TMEM181: variants seen among roughly 807,000 people sequenced by gnomAD.
The protein encoded by TMEM181 is G protein-coupled receptor 178.
In TMEM181, 39 loss-of-function variants were observed where a neutral mutation model predicts 71.9. The ratio of observed to expected loss-of-function variants is 0.54; its 90% CI spans 0.42 to 0.71. The LOEUF is 0.71. Ranked by LOEUF, TMEM181 falls within the 30% of genes least tolerant of loss-of-function variation. TMEM181 has a pLI of 0.00. For missense variants in TMEM181, 595 were observed against 583.0 expected (o/e 1.02, Z -0.21); for synonymous variants, 245 against 228.8 (o/e 1.07, Z -0.64).
chr6:158,570,477 G>A (rs1182093767), intron 1 of TMEM181, among the ~76,000 whole-genome samples: 3 of 151,442 alleles, frequency 2.0e-5, no homozygotes, highest in Non-Finnish European at 4.4e-5. Flanking sequence ...TCCTGACCTC[G>A]TGATCCGCCC....
chr6:158,629,211 C>T (rs780110924), intron 14 of TMEM181, among the ~76,000 whole-genome samples: 5 of 152,128 alleles, frequency 3.3e-5, no homozygotes, highest in Admixed American at 1.3e-4. Context: ...TCTTATGTCC[C>T]AGTTAATGCA....
At chr6:158,583,454 G>A (rs1469238547) in intron 3 of TMEM181, among the ~76,000 whole-genome samples, 1 of 152,048 alleles carries the variant, frequency 6.6e-6, no homozygotes, top group African/African-American at 2.4e-5. Flanking sequence ...AATTGCTGCT[G>A]GAAGTTAGTC....
chr6:158,598,936 C>T (rs1445158238), intron 6 of TMEM181, among the ~76,000 whole-genome samples: 1 of 152,190 alleles, frequency 6.6e-6, no homozygotes, highest in Non-Finnish European at 1.5e-5. Context: ...GCTGGGATTA[C>T]AGGCGTGAGC....
At chr6:158,576,775 C>T (rs528549284) in intron 2 of TMEM181, among the ~76,000 whole-genome samples, 17 of 152,204 alleles carry the variant, frequency 1.1e-4, no homozygotes, top group South Asian at 4.1e-4. Context: ...CAAAAGGTCA[C>T]AAGGCGGCCG....
At chr6:158,565,533 C>A (rs542474203) in intron 1 of TMEM181, among the ~76,000 whole-genome samples, 1 of 152,164 alleles carries the variant, frequency 6.6e-6, no homozygotes, top group African/African-American at 2.4e-5. Context: ...GAAGAGACAA[C>A]GCTGGGGGGA....
At chr6:158,578,223 C>T (rs368327163) in intron 2 of TMEM181, among the ~76,000 whole-genome samples, 6 of 152,224 alleles carry the variant, frequency 3.9e-5, no homozygotes, top group Non-Finnish European at 7.3e-5. Flanking sequence ...ACCTGCCCTG[C>T]AAGTATTGCT....
At chr6:158,601,650 T>C (rs1401159256) in intron 6 of TMEM181, among the ~76,000 whole-genome samples, 2 of 151,786 alleles carry the variant, frequency 1.3e-5, no homozygotes, top group Non-Finnish European at 2.9e-5. Flanking sequence ...TCCCAGCTGC[T>C]TGGGAGGCTG....
intron 4 of TMEM181, among the ~76,000 whole-genome samples, chr6:158,584,519 T>C (rs1783658408): frequency 6.6e-6 from 1 of 152,226 alleles, no homozygotes; most frequent in Non-Finnish European, 1.5e-5. Flanking sequence ...ATGTCAGTGA[T>C]GCAGAGGCTG....
At position 158,608,732 on chromosome 6, in the gene TMEM181, C is replaced by G; in HGVS notation, c.878C>G (p.Thr293Arg). ...IVGLLWLASV[T>R]LGIWQTVNEL... ...GGACTATTGTGGTTGGCTTCTGTTA[C>G]GCTAGGAATATGGCAAACGTGAGTA... The change falls in exon 10 of 17, where the codon ACG becomes AGG. Residue 293 changes from threonine (T) to arginine (R), a missense_variant. By Grantham distance (71) the Thr-to-Arg change is moderately conservative. Transcript: ENST00000684151. 1 of 1,613,028 alleles carries G rather than the reference C, an allele frequency of 6.2e-7. No individual in the cohort carries two copies.
intron 4 of TMEM181, among the ~76,000 whole-genome samples, chr6:158,584,379 C>G (rs552811441): frequency 2.0e-5 from 3 of 152,334 alleles, no homozygotes; most frequent in Non-Finnish European, 4.4e-5. Flanking sequence ...CCCAGGGACA[C>G]TTGCCAATGT....
intron 10 of TMEM181, among the ~76,000 whole-genome samples, chr6:158,617,061 G>C (rs149829684): frequency 3.4e-3 from 515 of 152,208 alleles, no homozygotes; most frequent in African/African-American, 0.012. Flanking sequence ...AAGAATAATA[G>C]CAACTCCTCC....
intron 10 of TMEM181, chr6:158,611,031 C>T (rs1014684112): frequency 8.4e-5 from 38 of 450,250 alleles, no homozygotes; most frequent in South Asian, 4.1e-4. Context: ...TTTATGCTTT[C>T]GGATTTCTAA....
At chr6:158,591,225 C>T (rs148850587) in intron 6 of TMEM181, among the ~76,000 whole-genome samples, 1 of 152,212 alleles carries the variant, frequency 6.6e-6, no homozygotes, top group African/African-American at 2.4e-5. Context: ...TGAGATTGTT[C>T]TTTTCTTTCA....
intron 10 of TMEM181, among the ~76,000 whole-genome samples, chr6:158,622,872 G>A (rs904883948): frequency 2.0e-5 from 3 of 152,186 alleles, no homozygotes; most frequent in Non-Finnish European, 2.9e-5. Flanking sequence ...ACTGTCCACC[G>A]ATGCTCTGCT....
At chr6:158,549,412 C>T (rs888872912) in intron 1 of TMEM181, among the ~76,000 whole-genome samples, 2 of 152,112 alleles carry the variant, frequency 1.3e-5, no homozygotes, top group Non-Finnish European at 2.9e-5. Flanking sequence ...CTGTGCCTGG[C>T]CTACACTTCT....
At chr6:158,575,111 C>G (rs1257841274) in intron 2 of TMEM181, among the ~76,000 whole-genome samples, 1 of 152,182 alleles carries the variant, frequency 6.6e-6, no homozygotes, top group Non-Finnish European at 1.5e-5. Context: ...TTAATCTCAT[C>G]CAGAAACGAC....
chr6:158,541,073 C>T (rs1038246525), intron 1 of TMEM181, among the ~76,000 whole-genome samples: 1 of 152,094 alleles, frequency 6.6e-6, no homozygotes, highest in African/African-American at 2.4e-5. Flanking sequence ...ATGTAATTGA[C>T]CTGGGCTGGA....
At chr6:158,596,787 G>A (rs1416468807) in intron 6 of TMEM181, among the ~76,000 whole-genome samples, 1 of 152,178 alleles carries the variant, frequency 6.6e-6, no homozygotes, top group Non-Finnish European at 1.5e-5. Context: ...TGAGGAAGAA[G>A]CAAAAGTGGA....
chr6:158,540,538 T>C (rs751890661), intron 1 of TMEM181, among the ~76,000 whole-genome samples: 3 of 152,142 alleles, frequency 2.0e-5, no homozygotes, highest in Non-Finnish European at 4.4e-5. Context: ...CCCAGCACTT[T>C]GGGAGGCCAA....
Sources: gnomAD v4.1 joint callset for allele counts (sites outside exome capture counted in the v4.1 genomes callset) on GRCh38, gnomAD v4.1.1 for gene constraint, MANE v1.5 for transcripts, NCBI Gene and HGNC (gene_info 2026-07-23, HGNC 2026-07-21) for gene names.